The following ACSL1 variants were observed in gnomAD, a reference collection of about 807,000 sequenced individuals.
ACSL1 encodes the protein long-chain-fatty-acid--CoA ligase 1.
A neutral mutation model predicts 98.4 loss-of-function variants in ACSL1; 41 were observed. The ratio of observed to expected loss-of-function variants is 0.42; its 90% confidence interval spans 0.32 to 0.54. The LOEUF is 0.54. Ranked by LOEUF, ACSL1 falls within the 20% of genes least tolerant of loss-of-function variation. The pLI is 0.13. For missense variants in ACSL1, 734 were observed against 883.1 expected (o/e 0.83, Z 2.14); for synonymous variants, 316 against 322.7 (o/e 0.98, Z 0.22).
At chr4:184,760,563 C>T in intron 17 of ACSL1, 63 bp from the exon 18 acceptor site, 1 of 1,591,718 alleles carries the variant, frequency 6.3e-7, no homozygotes. Flanking sequence ...CAGGATGGAT[C>T]CCAGTACAAC....
rs202112997 is a variant in ACSL1, at chr4:184,760,403, C to T, written c.1736G>A (p.Arg579Gln). 115 of 1,614,150 alleles carry T rather than the reference C, an allele frequency of 7.1e-5. No homozygotes were observed. The highest frequency in any genetic ancestry group is 9.4e-5 in the Non-Finnish European group (111 of 1,180,014). Residue 579 changes from arginine (R) to glutamine (Q), a missense_variant, in exon 18 of 21, where the codon CGA becomes CAA. By Grantham distance (43) the Arg-to-Gln change is conservative (BLOSUM62 1). Transcript: ENST00000281455. ...APEKIENIYMRSEPVAQVFVH... is the reference protein window; with the variant it reads ...APEKIENIYMQSEPVAQVFVH... ...AAACACCTGAGCAACAGGCTCACTT[C>T]GCATGTAGATATTTTCAATCTTTTC...
intron 1 of ACSL1, among the ~76,000 whole-genome samples, chr4:184,811,931 T>C (rs1286647238): frequency 5.3e-5 from 8 of 152,070 alleles, no homozygotes; most frequent in Admixed American, 4.6e-4. Flanking sequence ...GGCAAAACAC[T>C]GAAGAGACAC....
At position 184,793,421 on chromosome 4, in the gene ACSL1, T is replaced by C. The variant is rs187384788; in HGVS notation, c.196-4690A>G. Among the ~76,000 whole-genome samples, 4 of 152,254 alleles carry C rather than the reference T, an allele frequency of 2.6e-5. No individual in the cohort carries two copies. In the East Asian group the frequency reaches 7.7e-4, roughly 29 times the overall value. On this transcript the variant is annotated intron_variant, in intron 2 of 20. Transcript: ENST00000281455. Reference sequence around the variant, plus strand: ...CCGAGGCCAGAACTCTCACCAATATTTGACTAACAGGAACGCGATGGCCAG... The same window carrying C: ...CCGAGGCCAGAACTCTCACCAATATCTGACTAACAGGAACGCGATGGCCAG...
At chr4:184,808,081 A>G (rs1042216315) in intron 1 of ACSL1, among the ~76,000 whole-genome samples, 4 of 152,228 alleles carry the variant, frequency 2.6e-5, no homozygotes, top group Non-Finnish European at 5.9e-5. Flanking sequence ...GTTAGCATTT[A>G]TTGTATCACC....
intron 17 of ACSL1, among the ~76,000 whole-genome samples, 158 bp downstream of exon 17, chr4:184,762,249 C>A (rs530775537): frequency 3.3e-5 from 5 of 152,096 alleles, no homozygotes; most frequent in Admixed American, 1.3e-4. Flanking sequence ...CTGTCCCCTG[C>A]AGGAAATGGA....
At chr4:184,777,083 C>T (rs146410373) in intron 5 of ACSL1, 100 bp from the exon 6 acceptor site, 43 of 1,090,318 alleles carry the variant, frequency 3.9e-5, no homozygotes, top group Middle Eastern at 4.0e-4. Context: ...AAACATTTGA[C>T]GCAGCAAAAT....
intron 2 of ACSL1, 27 bp from the exon 3 acceptor site, chr4:184,788,758 T>C: frequency 6.3e-7 from 1 of 1,584,974 alleles, no homozygotes. Flanking sequence ...GGGGGCAGGT[T>C]AGAAGGCAGT....
intron 1 of ACSL1, among the ~76,000 whole-genome samples, chr4:184,812,924 C>T (rs746070949): frequency 1.3e-5 from 2 of 152,124 alleles, no homozygotes; most frequent in Non-Finnish European, 2.9e-5. Context: ...GAGTCCCACG[C>T]GAGGGCTCTA....
At chr4:184,802,031 A>T (rs2150436952) in intron 2 of ACSL1, among the ~76,000 whole-genome samples, 1 of 152,380 alleles carries the variant, frequency 6.6e-6, no homozygotes, top group South Asian at 2.1e-4. Flanking sequence ...GGAATGCCAG[A>T]ACCTCACAGG....
chr4:184,816,343 C>T (rs1466252925), intron 1 of ACSL1, among the ~76,000 whole-genome samples: 1 of 152,022 alleles, frequency 6.6e-6, no homozygotes, highest in Non-Finnish European at 1.5e-5. Context: ...AAGAGAGGTA[C>T]TGGTGACAAC....
In ACSL1 at chr4:184,756,918, C is replaced by T; in HGVS notation, c.*207G>A. 1 of 529,888 alleles carries T rather than the reference C, an allele frequency of 1.9e-6. No individual in the cohort carries two copies. The highest frequency in any genetic ancestry group is 3.2e-6 in the Non-Finnish European group (1 of 313,844). The allele number at this position is 529,888 out of a possible 1,614,324, so 32.8% of individuals were successfully genotyped here. ...GGCTCATTTTGGAAAGTGTGTATTA[C>T]CATAAACATGGTCTGCAACATGAGG... On this transcript the variant is annotated 3_prime_UTR_variant, in exon 21 of 21. Transcript: ENST00000281455.
At chr4:184,801,288 G>A (rs1770469498) in intron 2 of ACSL1, among the ~76,000 whole-genome samples, 1 of 152,214 alleles carries the variant, frequency 6.6e-6, no homozygotes, top group Non-Finnish European at 1.5e-5. Context: ...ACCAAAAAGT[G>A]CGGATTCTTC....
intron 2 of ACSL1, among the ~76,000 whole-genome samples, chr4:184,792,948 T>C (rs886347582): frequency 3.3e-5 from 5 of 152,156 alleles, no homozygotes; most frequent in Non-Finnish European, 5.9e-5. Flanking sequence ...CACGTAGCTA[T>C]TTCTAGGGAC....
chr4:184,818,992 G>A (rs931850224), intron 1 of ACSL1, among the ~76,000 whole-genome samples: 21 of 152,036 alleles, frequency 1.4e-4, no homozygotes, highest in African/African-American at 4.6e-4. Flanking sequence ...TAGCATGATC[G>A]CTGGTGCATC....
At chr4:184,782,696 T>C (rs1330823061) in intron 4 of ACSL1, among the ~76,000 whole-genome samples, 2 of 152,214 alleles carry the variant, frequency 1.3e-5, no homozygotes, top group Non-Finnish European at 2.9e-5. Flanking sequence ...TGGGAAATCC[T>C]TCCAATCATG....
chr4:184,806,512 T>C (rs1771440696), intron 1 of ACSL1, among the ~76,000 whole-genome samples: 1 of 152,214 alleles, frequency 6.6e-6, no homozygotes, highest in East Asian at 1.9e-4. Context: ...TGTGTGAATT[T>C]GCAGGTGCTG....
chr4:184,766,490 G>T lies in ACSL1; in HGVS notation c.1263+132C>A. On this transcript the variant is annotated intron_variant, in intron 13 of 20. Transcript: ENST00000281455. The surrounding 1 kb of genome is among the most constrained non-coding windows in gnomAD (Gnocchi z 4.8). ...TGGCTTTGCCTTAGTTTTTAAATGT[G>T]TGCCAGAATTAACAAAAACATGTTA... 7.8e-7 allele frequency: 1 copy of T among 1,275,780 alleles called. No homozygotes were observed. Among genetic ancestry groups the T allele is most frequent in the South Asian group, 1.5e-5 (1 of 66,566 alleles). The allele number at this position is 1,275,780 out of a possible 1,614,324, so 79.0% of individuals were successfully genotyped here. A position where few individuals can be genotyped will look rare whatever the true frequency, so the allele number is the denominator to read the frequency against.
chr4:184,811,294 A>G (rs1470009212), intron 1 of ACSL1, among the ~76,000 whole-genome samples: 3 of 151,230 alleles, frequency 2.0e-5, no homozygotes, highest in Non-Finnish European at 3.0e-5. Flanking sequence ...TTGTATTTTT[A>G]GTAGAGACGG....
chr4:184,812,594 A>C (rs756657376), intron 1 of ACSL1, among the ~76,000 whole-genome samples: 13 of 152,130 alleles, frequency 8.5e-5, no homozygotes, highest in Non-Finnish European at 1.8e-4. Flanking sequence ...ATCATGTTTT[A>C]TATTTCTCAA....
Sources: allele counts gnomAD v4.1 joint callset (sites outside exome capture counted in the v4.1 genomes callset), GRCh38; gene constraint gnomAD v4.1.1; non-coding constraint Gnocchi (gnomAD v3.1); transcripts MANE v1.5; gene names NCBI Gene and HGNC (gene_info 2026-07-23, HGNC 2026-07-21).